The following CLDN10 variants were observed in gnomAD, a reference collection of about 807,000 sequenced individuals.
The protein encoded by CLDN10 is claudin-10.
CLDN10 carries 15 observed loss-of-function variants against 22.9 expected under a neutral mutation model. The ratio of observed to expected loss-of-function variants is 0.65; its 90% CI spans 0.44 to 1.01. The LOEUF (loss-of-function observed/expected upper bound fraction) is 1.01, where lower values mean the gene tolerates loss of function less well. Ranked by LOEUF, CLDN10 falls within the 50% of genes least tolerant of loss-of-function variation. The probability of loss-of-function intolerance (pLI) is 0.00; values close to 1 mark genes in which losing one functional copy is unlikely to be tolerated. For missense variants in CLDN10, 247 were observed against 287.8 expected (o/e 0.86, Z 1.03); for synonymous variants, 114 against 111.4 (o/e 1.02, Z -0.15).
intron 1 of CLDN10, among the ~76,000 whole-genome samples, chr13:95,460,919 G>A (rs1273700584): frequency 1.3e-5 from 2 of 152,106 alleles, no homozygotes; most frequent in East Asian, 1.9e-4. Context: ...AACCAGTCTG[G>A]CCAACATGGT....
rs376500959 is a variant in CLDN10 at position 95,477,114 on chromosome 13, AAG to A, written c.214+43074_214+43075del. Among the ~76,000 whole-genome samples, 171 of 152,278 alleles carry A rather than the reference AAG, an allele frequency of 1.1e-3. 6 individuals are homozygous for A. In the South Asian group the frequency reaches 0.03, roughly 26 times the overall value. Reference sequence around the variant, plus strand: ...ATAGATCAGATGATGACTCTCACTGAAGAGAGAGTTTCTTACTCTCAGATCTA... The same window carrying A: ...ATAGATCAGATGATGACTCTCACTGAAGAGAGTTTCTTACTCTCAGATCTA... On this transcript the variant is annotated intron_variant, in intron 1 of 4. Coordinates refer to the CLDN10 transcript ENST00000376873.
chr13:95,496,116 C>T (rs866595792), intron 1 of CLDN10, among the ~76,000 whole-genome samples: 10 of 152,328 alleles, frequency 6.6e-5, no homozygotes, highest in African/African-American at 1.9e-4. Flanking sequence ...TGCCCTTTCT[C>T]AGGCTGTGTC....
intron 1 of CLDN10, among the ~76,000 whole-genome samples, chr13:95,516,810 T>G (rs2043171921): frequency 6.6e-6 from 1 of 152,170 alleles, no homozygotes; most frequent in Non-Finnish European, 1.5e-5. Flanking sequence ...TATAAGTTTC[T>G]GAATTCTTTG....
At chr13:95,520,455 C>A (rs892085979) in intron 1 of CLDN10, among the ~76,000 whole-genome samples, 3 of 152,120 alleles carry the variant, frequency 2.0e-5, no homozygotes, top group Non-Finnish European at 4.4e-5. Context: ...CTCACTGCAA[C>A]CTCTGCCTCC....
chr13:95,455,961 T>C (rs2042478624), intron 1 of CLDN10, among the ~76,000 whole-genome samples: 2 of 152,242 alleles, frequency 1.3e-5, no homozygotes, highest in African/African-American at 4.8e-5. Flanking sequence ...CCTGCAATTT[T>C]AATTTAATTA....
intron 1 of CLDN10, among the ~76,000 whole-genome samples, chr13:95,452,588 C>T (rs1385046594): frequency 6.6e-6 from 1 of 152,084 alleles, no homozygotes; most frequent in Non-Finnish European, 1.5e-5. Context: ...GTGACTGGGT[C>T]GTGTGGACAT....
chr13:95,568,492 C>G (rs1006437767), intron 3 of CLDN10, among the ~76,000 whole-genome samples: 3 of 152,116 alleles, frequency 2.0e-5, no homozygotes, highest in African/African-American at 4.8e-5. Context: ...TCAGCTCTTA[C>G]CCCCATTGCT....
At chr13:95,542,283 G>A (rs774174966) in intron 1 of CLDN10, among the ~76,000 whole-genome samples, 1 of 152,148 alleles carries the variant, frequency 6.6e-6, no homozygotes, top group Non-Finnish European at 1.5e-5. Flanking sequence ...CATGAGATGT[G>A]GTGCAGACAG....
At chr13:95,495,210 A>G (rs1272969517) in intron 1 of CLDN10, among the ~76,000 whole-genome samples, 1 of 151,104 alleles carries the variant, frequency 6.6e-6, no homozygotes, top group Non-Finnish European at 1.5e-5. Context: ...TAATTTTTGT[A>G]TTTTTTTGTA....
intron 1 of CLDN10, among the ~76,000 whole-genome samples, chr13:95,439,799 T>C (rs1566645369): frequency 1.3e-5 from 2 of 152,200 alleles, no homozygotes; most frequent in Admixed American, 1.3e-4. Flanking sequence ...AGCAGTGCCT[T>C]AGTCCGTGAT....
intron 1 of CLDN10, among the ~76,000 whole-genome samples, chr13:95,496,286 A>G (rs1011666210): frequency 6.6e-6 from 1 of 152,230 alleles, no homozygotes; most frequent in African/African-American, 2.4e-5. Flanking sequence ...TGAGATATTC[A>G]TAAGTGGGGA....
chr13:95,557,292 G>A (rs9525025), intron 1 of CLDN10, among the ~76,000 whole-genome samples: 1 of 151,988 alleles, frequency 6.6e-6, no homozygotes, highest in South Asian at 2.1e-4. Context: ...CACTTCTCCT[G>A]GTGGTGTTAC....
At chr13:95,563,209 GGAGAGA>G (rs71764554) in intron 3 of CLDN10, among the ~76,000 whole-genome samples, 38,066 of 147,542 alleles carry the variant, frequency 0.26, 5,706 homozygotes, top group East Asian at 0.34. Context: ...AGTTAAGAGA[GGAGAGA>G]GAGAGAGAGA....
intron 1 of CLDN10, among the ~76,000 whole-genome samples, chr13:95,517,957 G>T (rs953631406): frequency 1.4e-5 from 2 of 142,836 alleles, no homozygotes; most frequent in Non-Finnish European, 3.0e-5. Flanking sequence ...AAAAAAAAGA[G>T]AGATTGAGCA....
intron 3 of CLDN10, among the ~76,000 whole-genome samples, chr13:95,568,438 C>A (rs1022384663): frequency 1.3e-5 from 2 of 152,002 alleles, no homozygotes; most frequent in African/African-American, 4.8e-5. Flanking sequence ...CTGACCAGTG[C>A]ATGACATCAT....
intron 1 of CLDN10, among the ~76,000 whole-genome samples, chr13:95,546,583 A>AT (rs1454679681): frequency 3.9e-5 from 6 of 152,328 alleles, no homozygotes; most frequent in Middle Eastern, 3.4e-3. Context: ...CCCTGAAATA[A>AT]TTCATTTTAA....
intron 1 of CLDN10, among the ~76,000 whole-genome samples, chr13:95,557,149 T>A (rs1349130905): frequency 6.6e-6 from 1 of 152,248 alleles, no homozygotes; most frequent in African/African-American, 2.4e-5. Context: ...GAACTAACTA[T>A]AAATTATACT....
intron 1 of CLDN10, among the ~76,000 whole-genome samples, chr13:95,474,946 G>A (rs2042671020): frequency 6.6e-6 from 1 of 152,128 alleles, no homozygotes; most frequent in South Asian, 2.1e-4. Context: ...GAGCCTAATG[G>A]GATCTCAGGG....
intron 1 of CLDN10, among the ~76,000 whole-genome samples, chr13:95,448,323 G>T (rs1354245245): frequency 6.6e-6 from 1 of 151,900 alleles, no homozygotes; most frequent in Non-Finnish European, 1.5e-5. Flanking sequence ...ATACACACAG[G>T]CACACACAGA....
Sources: allele counts gnomAD v4.1 joint callset (sites outside exome capture counted in the v4.1 genomes callset), GRCh38; gene constraint gnomAD v4.1.1; transcripts MANE v1.5; gene names NCBI Gene and HGNC (gene_info 2026-07-23, HGNC 2026-07-21).